Variants in ATXN10 observed in about 807,000 individuals in gnomAD.
ATXN10 encodes the protein ataxin 10.
In ATXN10, 28 loss-of-function variants were observed where a neutral mutation model predicts 52.9. The observed-to-expected ratio is 0.53, with a 90% CI of 0.39 to 0.73. ATXN10 has a LOEUF of 0.73. Among genes scored for constraint, ATXN10 ranks in the 30% least tolerant of loss-of-function variants. The pLI, the probability that ATXN10 is intolerant of heterozygous loss-of-function variation, is 0.00. For synonymous variants in ATXN10, 226 were observed against 221.5 expected (o/e 1.02, Z -0.18); for missense variants, 565 against 577.0 (o/e 0.98, Z 0.21).
rs1287274366 is a variant in ATXN10, at chr22:45,826,463, TAAGATGAACTC to T, written c.1238-16524_1238-16514del. On this transcript the variant is annotated intron_variant, in intron 10 of 11. Transcript: ENST00000252934. This position sits in a 1 kb window ranked among gnomAD's most constrained non-coding sequence, Gnocchi z 5.0. Reference sequence around the variant, plus strand: ...CCAGGAAACTCGGTGAGCTCCAAGTTAAGATGAACTCAAGGAGACATATTATAGTCAGAGTT... The same window carrying T: ...CCAGGAAACTCGGTGAGCTCCAAGTTAAGGAGACATATTATAGTCAGAGTT... Among the ~76,000 whole-genome samples, 1 of 152,146 alleles carries T rather than the reference TAAGATGAACTC, an allele frequency of 6.6e-6. No homozygotes were observed. The highest frequency in any genetic ancestry group is 1.5e-5 in the Non-Finnish European group (1 of 68,024).
At position 45,732,431 on chromosome 22, in the gene ATXN10, C is replaced by T. The variant is rs1925125005; in HGVS notation, c.894+2841C>T. On this transcript the variant is annotated intron_variant, in intron 7 of 11. Coordinates refer to ENST00000252934, the MANE Select transcript of ATXN10 (RefSeq NM_013236.4). The surrounding 1 kb of genome is among the most constrained non-coding windows in gnomAD (Gnocchi z 4.5). ...CTGTGATTGCGCTACTGCATTCCAG[C>T]CTGGGGAAGAGTGAGATCCTGTCTC... Among the ~76,000 whole-genome samples the T allele has an allele frequency of 6.6e-6, 1 of 152,080 alleles. No individual in the cohort carries two copies.
chr22:45,676,709 C>A (rs994692859), intron 1 of ATXN10: 5 of 152,218 alleles, frequency 3.3e-5, no homozygotes, highest in African/African-American at 1.2e-4. Context: ...GAACTCCCGA[C>A]CTCAGGTGAT....
chr22:45,688,210 C>T lies in ATXN10; in HGVS notation c.117-1502C>T, dbSNP rs1238545628. Among the ~76,000 whole-genome samples the T allele has an allele frequency of 2.6e-5, 4 of 152,070 alleles. No homozygotes were observed. The highest frequency in any genetic ancestry group is 4.8e-5 in the African/African-American group (2 of 41,408). ...TTTCTTAATTTGGTCACTCAGTTGC[C>T]GAGACACTGAGTCAAAGTTTCATTA... On this transcript the variant is annotated intron_variant, in intron 1 of 11. Transcript: ENST00000252934. This position sits in a 1 kb window ranked among gnomAD's most constrained non-coding sequence, Gnocchi z 4.0.
At chr22:45,753,219 AT>A (rs145958400) in intron 9 of ATXN10, among the ~76,000 whole-genome samples, 13 of 141,406 alleles carry the variant, frequency 9.2e-5, no homozygotes, top group African/African-American at 3.2e-4. Context: ...TTTCCCAGTG[AT>A]TTTTTTTTTC....
intron 10 of ATXN10, among the ~76,000 whole-genome samples, chr22:45,817,690 T>C (rs765466984): frequency 1.4e-4 from 21 of 152,070 alleles, no homozygotes; most frequent in Non-Finnish European, 2.6e-4. Flanking sequence ...TTTATCTGCG[T>C]AAACCAGATC....
At position 45,744,376 on chromosome 22, in the gene ATXN10, C is replaced by T. The variant is rs966462754; in HGVS notation, c.1173+3838C>T. The stretch of plus-strand genomic sequence containing the variant: ...TGGTGCCCACCTGCTGGATGGCCCT[C>T]TTACACTTGTGTGGCACTTTCCATT... On this transcript the variant is annotated intron_variant, in intron 9 of 11. Coordinates refer to ENST00000252934, the MANE Select transcript of ATXN10 (RefSeq NM_013236.4). This position sits in a 1 kb window ranked among gnomAD's most constrained non-coding sequence, Gnocchi z 4.9. 6.6e-6 allele frequency: 1 copy of T among 152,304 alleles called. No individual in the cohort carries two copies. Among genetic ancestry groups the T allele is most frequent in the Admixed American group, 6.5e-5 (1 of 15,292 alleles). The allele number at this position is 152,304 out of a possible 1,614,324, so 9.4% of individuals were successfully genotyped here.
chr22:45,843,313 G>A lies in ATXN10; in HGVS notation c.1425+135G>A, dbSNP rs938326138. ...GTGCCCTCTATAGTGGTTTACCGAGGAAAGCCCTAAAGATAGCTGCAAACG... is the reference window on the plus strand; with the variant it reads ...GTGCCCTCTATAGTGGTTTACCGAGAAAAGCCCTAAAGATAGCTGCAAACG... On this transcript the variant is annotated intron_variant, in intron 11 of 11. Transcript: ENST00000252934. The surrounding 1 kb of genome is among the most constrained non-coding windows in gnomAD (Gnocchi z 4.5). 9.6e-6 allele frequency: 10 copies of A among 1,046,796 alleles called. 1 individual carries two copies. The highest frequency in any genetic ancestry group is 1.3e-5 in the Non-Finnish European group (9 of 700,230). The allele number at this position is 1,046,796 out of a possible 1,614,324, so 64.8% of individuals were successfully genotyped here.
At chr22:45,821,685 T>A (rs1928654980) in intron 10 of ATXN10, among the ~76,000 whole-genome samples, 1 of 152,232 alleles carries the variant, frequency 6.6e-6, no homozygotes, top group Non-Finnish European at 1.5e-5. Context: ...GTTTTAAGTA[T>A]ACATCTTGAC....
rs1332067442 is a variant in ATXN10 at position 45,774,865 on chromosome 22, G to GGA, written c.1174-32092_1174-32091dup. On this transcript the variant is annotated intron_variant, in intron 9 of 11. Coordinates refer to ENST00000252934, the MANE Select transcript of ATXN10 (RefSeq NM_013236.4). The surrounding 1 kb of genome is among the most constrained non-coding windows in gnomAD (Gnocchi z 6.2). Reference sequence around the variant, plus strand: ...GGAGAATCACTTAAACCTGGGAGGTGGAGGTGGCAGGCTGCAGTGAGCCAA... The same window carrying GGA: ...GGAGAATCACTTAAACCTGGGAGGTGGAGAGGTGGCAGGCTGCAGTGAGCCAA... 2.4e-4 allele frequency among the ~76,000 whole-genome samples: 37 copies of GGA among 152,200 alleles called. 1 individual carries two copies. The highest frequency in any genetic ancestry group is 3.3e-4 in the Admixed American group (5 of 15,284).
rs1266892240 is a variant in ATXN10 at position 45,688,189 on chromosome 22, T to G, written c.117-1523T>G. ...TGCTGTACCCTTGAATTTTCATTTC[T>G]TAATTTGGTCACTCAGTTGCCGAGA... On this transcript the variant is annotated intron_variant, in intron 1 of 11. Transcript: ENST00000252934. This position sits in a 1 kb window ranked among gnomAD's most constrained non-coding sequence, Gnocchi z 4.0. Among the ~76,000 whole-genome samples, 1 of 152,262 alleles carries G rather than the reference T, an allele frequency of 6.6e-6. No individual in the cohort carries two copies. Among genetic ancestry groups the G allele is most frequent in the African/African-American group, 2.4e-5 (1 of 41,468 alleles).
At chr22:45,689,965 T>C in intron 2 of ATXN10, 62 bp downstream of exon 2, 1 of 1,566,328 alleles carries the variant, frequency 6.4e-7, no homozygotes, top group Non-Finnish European at 8.7e-7. Flanking sequence ...TTCTGTCATT[T>C]GGTTTATCTG....
In ATXN10 at chr22:45,818,089, T is replaced by G. The variant is rs927231463; in HGVS notation, c.1237+11067T>G. Among the ~76,000 whole-genome samples the G allele has an allele frequency of 6.6e-6, 1 of 152,214 alleles. No homozygotes were observed. Among genetic ancestry groups the G allele is most frequent in the Non-Finnish European group, 1.5e-5 (1 of 68,042 alleles). Reference sequence around the variant, plus strand: ...GGCAGGTAGTCAAACTGTTTTAAAATGAGACTGTACAAGTAAATATTCCAA... The same window carrying G: ...GGCAGGTAGTCAAACTGTTTTAAAAGGAGACTGTACAAGTAAATATTCCAA... On this transcript the variant is annotated intron_variant, in intron 10 of 11. Transcript: ENST00000252934. The surrounding 1 kb of genome is among the most constrained non-coding windows in gnomAD (Gnocchi z 4.6).
Position 45,786,704 on chromosome 22 carries a change from C to T in ATXN10, c.1174-20255C>T, listed in dbSNP as rs1400035076. Among the ~76,000 whole-genome samples, 3 of 152,160 alleles carry T rather than the reference C, an allele frequency of 2.0e-5. No homozygotes were observed. The East Asian group carries it at 5.8e-4, about 29-fold the overall frequency. The stretch of plus-strand genomic sequence containing the variant: ...GGCAGCTGGAGGAATGCTCAGCCTT[C>T]CTTTATGGCAAAGGAAAGCCCCAAA... On this transcript the variant is annotated intron_variant, in intron 9 of 11. Coordinates refer to ENST00000252934, the MANE Select transcript of ATXN10 (RefSeq NM_013236.4). The surrounding 1 kb of genome is among the most constrained non-coding windows in gnomAD (Gnocchi z 4.1).
chr22:45,820,956 T>C lies in ATXN10; in HGVS notation c.1237+13934T>C, dbSNP rs559951749. The stretch of plus-strand genomic sequence containing the variant: ...TATGAGAAGGACCCAGCCTTGCCTT[T>C]AAGATTTTTCACCTGAATATGACGA... On this transcript the variant is annotated intron_variant, in intron 10 of 11. Transcript: ENST00000252934. The surrounding 1 kb of genome is among the most constrained non-coding windows in gnomAD (Gnocchi z 4.9). Among the ~76,000 whole-genome samples, 24 of 152,290 alleles carry C rather than the reference T, an allele frequency of 1.6e-4. No individual in the cohort carries two copies. The East Asian group carries it at 3.1e-3, about 20-fold the overall frequency.
intron 9 of ATXN10, among the ~76,000 whole-genome samples, chr22:45,779,612 G>C (rs971113758): frequency 2.0e-5 from 3 of 152,198 alleles, no homozygotes; most frequent in African/African-American, 7.2e-5. Flanking sequence ...TGGTGTTTAT[G>C]TAGTATCCTT....
rs955686914 is a variant in ATXN10 at position 45,805,826 on chromosome 22, C to T, written c.1174-1133C>T. Among the ~76,000 whole-genome samples, 4 of 152,250 alleles carry T rather than the reference C, an allele frequency of 2.6e-5. No individual in the cohort carries two copies. Among genetic ancestry groups the T allele is most frequent in the Admixed American group, 2.6e-4 (4 of 15,290 alleles). ...ATACTGAAAACCACCAAATTGCACA[C>T]TTTAAAAGTGTGAATTTTATAGTTT... On this transcript the variant is annotated intron_variant, in intron 9 of 11. Coordinates refer to ENST00000252934, the MANE Select transcript of ATXN10 (RefSeq NM_013236.4). The surrounding 1 kb of genome is among the most constrained non-coding windows in gnomAD (Gnocchi z 4.4).
Position 45,833,514 on chromosome 22 carries a change from A to G in ATXN10, c.1238-9477A>G, listed in dbSNP as rs1258243926. Reference sequence around the variant, plus strand: ...TTTGATCCTTGGCTGTACTTCATTAATTTTGAAATATCAACAGTGCTAGAC... The same window carrying G: ...TTTGATCCTTGGCTGTACTTCATTAGTTTTGAAATATCAACAGTGCTAGAC... On this transcript the variant is annotated intron_variant, in intron 10 of 11. Transcript: ENST00000252934. This position sits in a 1 kb window ranked among gnomAD's most constrained non-coding sequence, Gnocchi z 4.3. Among the ~76,000 whole-genome samples the G allele has an allele frequency of 6.6e-6, 1 of 152,224 alleles. No homozygotes were observed. Among genetic ancestry groups the G allele is most frequent in the Non-Finnish European group, 1.5e-5 (1 of 68,040 alleles).
intron 10 of ATXN10, among the ~76,000 whole-genome samples, chr22:45,831,991 A>G (rs764989959): frequency 6.6e-6 from 1 of 152,214 alleles, no homozygotes; most frequent in African/African-American, 2.4e-5. Flanking sequence ...AGGTGGAACA[A>G]CTGCCTTGGT....
chr22:45,843,165 A>T lies in ATXN10; in HGVS notation c.1412A>T (p.Asp471Val), dbSNP rs1929404486. ...AAGCTGATCCTGAAATCTACTAGAG[A>T]CACCCCTAAGCCAGTAAGTACCCTC... ...GEKLILKSTRDTPKP is the reference protein window; with the variant it reads ...GEKLILKSTRVTPKP The change falls in exon 11 of 12, where the codon GAC becomes GTC. Residue 471 changes from aspartate to valine, a missense_variant. Transcript: ENST00000252934. This position sits in a 1 kb window ranked among gnomAD's most constrained non-coding sequence, Gnocchi z 4.5. 6.2e-7 allele frequency: 1 copy of T among 1,613,864 alleles called. No homozygotes were observed. The highest frequency in any genetic ancestry group is 1.7e-5 in the Admixed American group (1 of 59,994).
Sources: gnomAD v4.1 joint callset for allele counts (sites outside exome capture counted in the v4.1 genomes callset) on GRCh38, gnomAD v4.1.1 for gene constraint, Gnocchi (gnomAD v3.1) non-coding constraint, MANE v1.5 for transcripts, NCBI Gene and HGNC (gene_info 2026-07-23, HGNC 2026-07-21) for gene names.